The following NAA16 variants were observed in gnomAD, a reference collection of about 807,000 sequenced individuals.
The protein encoded by NAA16 is N-alpha-acetyltransferase 16, NatA auxiliary subunit, also known as NARG1-like protein.
NAA16 carries 97 observed loss-of-function variants against 110.3 expected under a neutral mutation model. The observed-to-expected ratio is 0.88, with a 90% CI of 0.75 to 1.04. NAA16 has a LOEUF of 1.04. Among genes scored for constraint, NAA16 ranks in the 50% least tolerant of loss-of-function variants. The probability of loss-of-function intolerance (pLI) is 0.00; values close to 1 mark genes in which losing one functional copy is unlikely to be tolerated. For missense variants in NAA16, 1,017 were observed against 1,005.1 expected (o/e 1.01, Z -0.16); for synonymous variants, 372 against 330.6 (o/e 1.13, Z -1.36).
At chr13:41,374,684 A>G in intron 18 of NAA16, 58 bp from the exon 19 acceptor site, 1 of 1,132,984 alleles carries the variant, frequency 8.8e-7, no homozygotes, top group Non-Finnish European at 1.3e-6. Context: ...GCCAGTTGAT[A>G]TCACATAAAA....
chr13:41,362,832 TC>T (rs1349680832), intron 13 of NAA16: 3 of 1,289,226 alleles, frequency 2.3e-6, no homozygotes, highest in Admixed American at 2.3e-5. Context: ...GCACCACTGT[TC>T]CCATCCTGAC....
chr13:41,341,032 GAT>G (rs541059481), intron 9 of NAA16, among the ~76,000 whole-genome samples: 3 of 152,112 alleles, frequency 2.0e-5, no homozygotes, highest in Non-Finnish European at 4.4e-5. Context: ...AGTTTGTTGT[GAT>G]ATGTTTTCTT....
At chr13:41,315,989 T>G (rs2041798696) in intron 1 of NAA16, among the ~76,000 whole-genome samples, 1 of 152,158 alleles carries the variant, frequency 6.6e-6, no homozygotes, top group African/African-American at 2.4e-5. Flanking sequence ...AGGCTGGTCT[T>G]GAACTTCTGG....
At chr13:41,344,646 C>T (rs1315636676) in intron 9 of NAA16, among the ~76,000 whole-genome samples, 2 of 152,162 alleles carry the variant, frequency 1.3e-5, no homozygotes, top group African/African-American at 4.8e-5. Context: ...GTAGGGCTGT[C>T]CTATGCATTG....
intron 9 of NAA16, among the ~76,000 whole-genome samples, chr13:41,352,237 G>A (rs1194403749): frequency 2.6e-5 from 4 of 152,152 alleles, no homozygotes; most frequent in Non-Finnish European, 5.9e-5. Flanking sequence ...AGCTACTCAG[G>A]AGGCTGAGGC....
intron 4 of NAA16, among the ~76,000 whole-genome samples, chr13:41,321,912 C>A (rs2041957431): frequency 6.6e-6 from 1 of 152,176 alleles, no homozygotes; most frequent in Admixed American, 6.5e-5. Context: ...TTTAAGGGCT[C>A]TGCTGAACTT....
intron 15 of NAA16, 70 bp from the exon 16 acceptor site, chr13:41,372,133 A>G (rs2043332670): frequency 1.6e-6 from 2 of 1,251,984 alleles, no homozygotes; most frequent in Middle Eastern, 2.1e-4. Context: ...ATATGTTAAT[A>G]TAAAATTTTA....
At chr13:41,353,015 G>T (rs1293756661) in intron 9 of NAA16, among the ~76,000 whole-genome samples, 1 of 152,126 alleles carries the variant, frequency 6.6e-6, no homozygotes, top group East Asian at 1.9e-4. Context: ...TGCTCAGGAG[G>T]CTAAGGCAGA....
At chr13:41,345,249 T>C (rs2042650918) in intron 9 of NAA16, among the ~76,000 whole-genome samples, 1 of 152,212 alleles carries the variant, frequency 6.6e-6, no homozygotes, top group Non-Finnish European at 1.5e-5. Flanking sequence ...TGTTTAAACT[T>C]TTAAGGAACT....
intron 4 of NAA16, among the ~76,000 whole-genome samples, chr13:41,322,526 A>G (rs887105297): frequency 6.6e-6 from 1 of 152,230 alleles, no homozygotes; most frequent in Non-Finnish European, 1.5e-5. Context: ...GGTAACGCCA[A>G]GAGTTGGCAG....
intron 5 of NAA16, among the ~76,000 whole-genome samples, chr13:41,324,763 A>T (rs1593424854): frequency 6.6e-6 from 1 of 151,224 alleles, no homozygotes; most frequent in African/African-American, 2.4e-5. Context: ...TATGCACTAC[A>T]GTCTTGAACT....
chr13:41,349,815 A>G (rs995202345), intron 9 of NAA16, among the ~76,000 whole-genome samples: 6 of 152,006 alleles, frequency 3.9e-5, no homozygotes, highest in Non-Finnish European at 8.8e-5. Context: ...AAATACAAAA[A>G]AAAGTTAGCT....
At chr13:41,334,570 G>C (rs1025022535) in intron 8 of NAA16, among the ~76,000 whole-genome samples, 1 of 152,092 alleles carries the variant, frequency 6.6e-6, no homozygotes, top group African/African-American at 2.4e-5. Flanking sequence ...ATCTAGATGA[G>C]AATTATTCAG....
intron 19 of NAA16, among the ~76,000 whole-genome samples, chr13:41,375,126 A>G (rs181135811): frequency 1.3e-5 from 2 of 152,366 alleles, no homozygotes; most frequent in Admixed American, 1.3e-4. Context: ...AGTACTCAGT[A>G]AATGTGGGCT....
At chr13:41,314,036 G>A (rs2041742077) in intron 1 of NAA16, among the ~76,000 whole-genome samples, 1 of 152,054 alleles carries the variant, frequency 6.6e-6, no homozygotes, top group Non-Finnish European at 1.5e-5. Context: ...GGACTCTGGG[G>A]ACAGACTACC....
At chr13:41,341,932 C>T (rs557570802) in intron 9 of NAA16, among the ~76,000 whole-genome samples, 136 of 149,586 alleles carry the variant, frequency 9.1e-4, no homozygotes, top group African/African-American at 2.8e-3. Context: ...CCTGGGTTCG[C>T]GCCATTCTCC....
chr13:41,346,188 CT>C lies in NAA16; in HGVS notation c.1015-8952del, dbSNP rs1228269093. On this transcript the variant is annotated intron_variant, in intron 9 of 19. Coordinates refer to ENST00000379406, the MANE Select transcript of NAA16 (RefSeq NM_024561.5). ...GGTGTGGTAGGAGTCCAGATTCATT[CT>C]TTTGTGTGTGACTATCCAGTTTTCC... Among the ~76,000 whole-genome samples, 8 of 152,284 alleles carry C rather than the reference CT, an allele frequency of 5.3e-5. No individual in the cohort carries two copies. In the South Asian group the frequency reaches 8.3e-4, roughly 16 times the overall value.
intron 6 of NAA16, 68 bp downstream of exon 6, chr13:41,325,919 C>T (rs1438357496): frequency 3.1e-6 from 4 of 1,301,430 alleles, no homozygotes; most frequent in Non-Finnish European, 4.2e-6. Context: ...TTTATTCTCT[C>T]CTAAGTCTTA....
rs369778092 is a variant in NAA16 at position 41,358,973 on chromosome 13, G to A, written c.1410+11G>A. 1.3e-5 allele frequency: 21 copies of A among 1,580,490 alleles called. No individual in the cohort carries two copies. In the African/African-American group the frequency reaches 2.3e-4, roughly 17 times the overall value. On this transcript the variant is annotated intron_variant, in intron 12 of 19. Transcript: ENST00000379406. ...TCCAAGTTCACAAGGGTAGGAAATA[G>A]CATGCATGAGCATGTAATTGTCTAA...
Sources: gnomAD v4.1 joint callset for allele counts (sites outside exome capture counted in the v4.1 genomes callset) on GRCh38, gnomAD v4.1.1 for gene constraint, MANE v1.5 for transcripts, NCBI Gene and HGNC (gene_info 2026-07-23, HGNC 2026-07-21) for gene names.